The following NEIL3 variants were observed in gnomAD, a reference collection of about 807,000 sequenced individuals.
NEIL3 encodes the protein endonuclease 8-like 3.
Under a neutral mutation model 57.5 loss-of-function variants are expected in NEIL3, and 48 were observed. The ratio of observed to expected loss-of-function variants is 0.83; its 90% CI spans 0.66 to 1.06. NEIL3 has a LOEUF of 1.06. Among genes scored for constraint, NEIL3 ranks in the 50% least tolerant of loss-of-function variants. The pLI is 0.00. For missense variants in NEIL3, 717 were observed against 739.1 expected (o/e 0.97, Z 0.35); for synonymous variants, 261 against 253.2 (o/e 1.03, Z -0.29).
At chr4:177,355,776 A>G (rs1159870100) in intron 8 of NEIL3, among the ~76,000 whole-genome samples, 1 of 152,182 alleles carries the variant, frequency 6.6e-6, no homozygotes, top group African/African-American at 2.4e-5. Context: ...ATTCTGAGAC[A>G]GTCTCTGCTC....
rs139213530 is a variant in NEIL3, at chr4:177,329,815, T to C, written c.279-5873T>C. 2.2e-3 allele frequency among the ~76,000 whole-genome samples: 342 copies of C among 152,248 alleles called. 2 individuals carry two copies. Among genetic ancestry groups the C allele is most frequent in the African/African-American group, 6.4e-3 (265 of 41,552 alleles). ...ATTGACCAGATTATGGACAGCAAAA[T>C]GAGTCTTAACAAATTTAAAAGTATT... On this transcript the variant is annotated intron_variant, in intron 2 of 9. Coordinates refer to ENST00000264596, the MANE Select transcript of NEIL3 (RefSeq NM_018248.3).
chr4:177,327,471 G>T (rs1248068953), intron 2 of NEIL3, among the ~76,000 whole-genome samples: 1 of 152,108 alleles, frequency 6.6e-6, no homozygotes, highest in Admixed American at 6.5e-5. Flanking sequence ...GAACATGCAG[G>T]TTTGTTACAT....
At chr4:177,341,132 T>C (rs1456890757) in intron 5 of NEIL3, among the ~76,000 whole-genome samples, 1 of 152,132 alleles carries the variant, frequency 6.6e-6, no homozygotes, top group Non-Finnish European at 1.5e-5. Flanking sequence ...TTTAACTATA[T>C]AATTATGGTT....
Position 177,362,783 on chromosome 4 carries a change from G to T in NEIL3, c.*312G>T. 5.5e-6 allele frequency: 1 copy of T among 180,934 alleles called. No homozygotes were observed. The highest frequency in any genetic ancestry group is 1.8e-4 in the South Asian group (1 of 5,426). 11.2% of individuals were successfully genotyped at this position (180,934 alleles called of 1,614,324 possible). A position where few individuals can be genotyped will look rare whatever the true frequency, so the allele number is the denominator to read the frequency against. ...TTTAGTCTCTTGTAACTGGGGAGAA[G>T]CAGTGTTTTTTTTTTAGGAAAGGAT... On this transcript the variant is annotated 3_prime_UTR_variant, in exon 10 of 10. Coordinates refer to ENST00000264596, the MANE Select transcript of NEIL3 (RefSeq NM_018248.3).
chr4:177,336,259 G>A lies in NEIL3; in HGVS notation c.565G>A (p.Gly189Arg), dbSNP rs1450638092. 1 of 1,614,212 alleles carries A rather than the reference G, an allele frequency of 6.2e-7. No homozygotes were observed. Among genetic ancestry groups the A allele is most frequent in the African/African-American group, 1.3e-5 (1 of 75,068 alleles). ...DVLMDQNVLP[G>R]VGNIIKNEAL... is the part of the protein sequence containing the mutation. ...GCTAATGGATCAGAACGTATTGCCT[G>A]GAGTAGGGAACATCATCAAAAATGA... The change falls in exon 4 of 10, where the codon GGA becomes AGA. Residue 189 changes from glycine to arginine, a missense_variant. By Grantham distance (125) the Gly-to-Arg change is moderately radical. Coordinates refer to ENST00000264596, the MANE Select transcript of NEIL3 (RefSeq NM_018248.3).
At position 177,362,456 on chromosome 4, in the gene NEIL3, T is replaced by A. The variant is rs775493524; in HGVS notation, c.1803T>A (p.Ile601=). The change falls in exon 10 of 10, where the codon ATT becomes ATA. Residue 601 remains isoleucine (I), a synonymous_variant. Transcript: ENST00000264596. The part of the protein sequence containing the change: ...QWAENGPGIK[I]IPGC ...CAGAAAATGGGCCAGGAATAAAAATTATTCCTGGATGCTAATATCTGTAGA... is the reference window on the plus strand; with the variant it reads ...CAGAAAATGGGCCAGGAATAAAAATAATTCCTGGATGCTAATATCTGTAGA... The A allele has an allele frequency of 1.9e-5, 30 of 1,611,906 alleles. No homozygotes were observed. Among genetic ancestry groups the A allele is most frequent in the Non-Finnish European group, 2.5e-5 (30 of 1,178,856 alleles).
At chr4:177,325,987 A>G (rs879939685) in intron 2 of NEIL3, among the ~76,000 whole-genome samples, 4 of 152,094 alleles carry the variant, frequency 2.6e-5, no homozygotes, top group Non-Finnish European at 4.4e-5. Context: ...CTCCCAATCT[A>G]TGGCTTTTCT....
intron 8 of NEIL3, chr4:177,354,255 T>TG (rs1270168386): frequency 1.3e-5 from 2 of 152,508 alleles, no homozygotes; most frequent in African/African-American, 2.4e-5. Flanking sequence ...AAGTTGGGTT[T>TG]TTTTTTTTTC....
intron 9 of NEIL3, 145 bp from the exon 10 acceptor site, chr4:177,362,144 G>T (rs533735318): frequency 9.4e-5 from 45 of 477,828 alleles, no homozygotes; most frequent in Admixed American, 1.7e-4. Context: ...TAAAGGCGAC[G>T]ACTAATTACT....
intron 7 of NEIL3, among the ~76,000 whole-genome samples, chr4:177,352,766 G>C (rs748780552): frequency 2.3e-4 from 35 of 151,554 alleles, no homozygotes; most frequent in Non-Finnish European, 4.6e-4. Flanking sequence ...GGAGGCGGAG[G>C]TTGCAGTGAG....
intron 2 of NEIL3, among the ~76,000 whole-genome samples, chr4:177,333,505 T>C (rs965449775): frequency 1.3e-5 from 2 of 152,180 alleles, no homozygotes; most frequent in African/African-American, 4.8e-5. Context: ...CAAAAACTTC[T>C]TTAAAATTTA....
chr4:177,338,920 A>G (rs1735029868), intron 4 of NEIL3, among the ~76,000 whole-genome samples: 2 of 152,156 alleles, frequency 1.3e-5, no homozygotes, highest in Non-Finnish European at 1.5e-5. Context: ...GAGACTTTGA[A>G]GATGTCTAAT....
chr4:177,342,476 T>C (rs1413267822), intron 6 of NEIL3, among the ~76,000 whole-genome samples: 3 of 152,156 alleles, frequency 2.0e-5, no homozygotes, highest in Admixed American at 2.0e-4. Context: ...AGCAGCTGCA[T>C]AGCAGTATAT....
rs558613493 is a variant in NEIL3, at chr4:177,328,622, C to T, written c.278+6042C>T. On this transcript the variant is annotated intron_variant, in intron 2 of 9. Coordinates refer to ENST00000264596, the MANE Select transcript of NEIL3 (RefSeq NM_018248.3). ...AATGAAGGTATAATAAAGACTTTTT[C>T]GAAAAAAAGAAGCTAAGAGAATGTA... 7.3e-5 allele frequency among the ~76,000 whole-genome samples: 11 copies of T among 151,532 alleles called. No homozygotes were observed. In the South Asian group the frequency reaches 1.0e-3, roughly 14 times the overall value.
chr4:177,349,131 C>T (rs987845872), intron 6 of NEIL3, among the ~76,000 whole-genome samples: 1 of 150,106 alleles, frequency 6.7e-6, no homozygotes, highest in African/African-American at 2.5e-5. Flanking sequence ...ATCCACACGT[C>T]TCGGCCTCCC....
chr4:177,322,131 T>C (rs1029620321), intron 1 of NEIL3, among the ~76,000 whole-genome samples: 2 of 152,230 alleles, frequency 1.3e-5, no homozygotes, highest in African/African-American at 4.8e-5. Flanking sequence ...TTCCAGTTTT[T>C]AGTTTTAGAA....
rs554544795 is a variant in NEIL3, at chr4:177,357,388, C to T, written c.1461-3115C>T. On this transcript the variant is annotated intron_variant, in intron 8 of 9. Coordinates refer to ENST00000264596, the MANE Select transcript of NEIL3 (RefSeq NM_018248.3). ...GTGATTTTTTTTTTAAGTTCATCAG[C>T]TGTCACCAGGGTTACTGTATTTTAT... Among the ~76,000 whole-genome samples the T allele has an allele frequency of 2.0e-5, 3 of 152,078 alleles. No homozygotes were observed. In the East Asian group the frequency reaches 5.8e-4, roughly 29 times the overall value.
At chr4:177,329,309 A>G (rs1266502359) in intron 2 of NEIL3, among the ~76,000 whole-genome samples, 1 of 152,196 alleles carries the variant, frequency 6.6e-6, no homozygotes, top group East Asian at 1.9e-4. Context: ...TTTGGCAGAA[A>G]TTAATTGAAT....
chr4:177,349,034 A>ATTTT lies in NEIL3; in HGVS notation c.870-2328_870-2325dup, dbSNP rs70938582. On this transcript the variant is annotated intron_variant, in intron 6 of 9. Transcript: ENST00000264596. ...AGGCACCCGTCACCACACCTGGCTA[A>ATTTT]TTTTTTTTTTTTTTTTTTTTTGTAT... Among the ~76,000 whole-genome samples, 15 of 100,426 alleles carry ATTTT rather than the reference A, an allele frequency of 1.5e-4. 1 individual carries two copies. The highest frequency in any genetic ancestry group is 2.9e-4 in the East Asian group (1 of 3,496). The allele number at this position is 100,426 out of a possible 152,430, so 65.9% of individuals were successfully genotyped here. A position where few individuals can be genotyped will look rare whatever the true frequency, so the allele number is the denominator to read the frequency against.
Sources: allele counts gnomAD v4.1 joint callset (sites outside exome capture counted in the v4.1 genomes callset), GRCh38; gene constraint gnomAD v4.1.1; transcripts MANE v1.5; gene names NCBI Gene and HGNC (gene_info 2026-07-23, HGNC 2026-07-21).